AGO3: variants seen among roughly 807,000 people sequenced by gnomAD.
AGO3 encodes argonaute RISC catalytic component 3.
A neutral mutation model predicts 105.5 loss-of-function variants in AGO3; 16 were observed. That is an observed-to-expected ratio of 0.15 (90% confidence interval 0.10 to 0.23). The LOEUF (loss-of-function observed/expected upper bound fraction) is 0.23, where lower values mean the gene tolerates loss of function less well. Ranked by LOEUF, AGO3 falls within the 10% of genes least tolerant of loss-of-function variation. AGO3 has a pLI of 1.00. For synonymous variants in AGO3, 340 were observed against 367.3 expected, an observed-to-expected ratio of 0.93 and a Z score of 0.85; for missense variants, 534 against 1,088.0, an observed-to-expected ratio of 0.49 and a Z score of 7.16.
At chr1:36,050,491 ATAAAT>A (rs755653474) in intron 17 of AGO3, among the ~76,000 whole-genome samples, 90 of 151,744 alleles carry the variant, frequency 5.9e-4, no homozygotes, top group Non-Finnish European at 5.4e-4. Context: ...CTCAAAATAA[ATAAAT>A]TAAATTAAAT....
intron 2 of AGO3, among the ~76,000 whole-genome samples, chr1:35,947,456 T>G (rs1018279428): frequency 2.6e-5 from 4 of 152,140 alleles, no homozygotes; most frequent in African/African-American, 7.2e-5. Flanking sequence ...TTGTGGTGTT[T>G]TTAGTGCATT....
chr1:35,977,469 T>A (rs1049862828), intron 5 of AGO3, among the ~76,000 whole-genome samples: 1 of 150,566 alleles, frequency 6.6e-6, no homozygotes, highest in African/African-American at 2.5e-5. Context: ...CTTGGCTCAC[T>A]GCAACCTCCA....
chr1:35,996,317 G>A (rs1639807651), intron 5 of AGO3, among the ~76,000 whole-genome samples: 1 of 148,036 alleles, frequency 6.8e-6, no homozygotes, highest in South Asian at 2.1e-4. Context: ...GCAAGACTCT[G>A]ACTCTTAAAA....
chr1:35,935,484 A>G (rs904227934), intron 1 of AGO3, among the ~76,000 whole-genome samples: 9 of 152,218 alleles, frequency 5.9e-5, no homozygotes, highest in African/African-American at 1.9e-4. Flanking sequence ...ATGCTACTTC[A>G]TTTTGCTTTT....
At chr1:35,931,790 C>T (rs766583635) in intron 1 of AGO3, among the ~76,000 whole-genome samples, 2 of 152,206 alleles carry the variant, frequency 1.3e-5, no homozygotes, top group Non-Finnish European at 2.9e-5. Flanking sequence ...TTGTGTGTTC[C>T]GTAGAGGCTG....
chr1:36,005,593 TG>T (rs1268165602), intron 6 of AGO3: 7 of 359,880 alleles, frequency 1.9e-5, no homozygotes, highest in African/African-American at 1.5e-4. Context: ...ACCATTAATA[TG>T]TGATCATCTA....
chr1:36,038,706 T>C (rs1642122209), intron 14 of AGO3, among the ~76,000 whole-genome samples: 1 of 152,116 alleles, frequency 6.6e-6, no homozygotes, highest in African/African-American at 2.4e-5. Context: ...TGTTATAAGT[T>C]CATGCTTTGA....
chr1:35,955,585 GTTAACTT>G (rs1245886157), intron 2 of AGO3, among the ~76,000 whole-genome samples: 1 of 150,468 alleles, frequency 6.6e-6, no homozygotes, highest in Non-Finnish European at 1.5e-5. Flanking sequence ...GAGGTACACT[GTTAACTT>G]TTTTTTTTTT....
intron 2 of AGO3, among the ~76,000 whole-genome samples, chr1:35,947,656 T>G (rs1210491969): frequency 1.3e-5 from 2 of 152,154 alleles, no homozygotes; most frequent in African/African-American, 4.8e-5. Context: ...AGAGGGCTGT[T>G]TTCCTGAACA....
intron 2 of AGO3, among the ~76,000 whole-genome samples, chr1:35,956,859 G>T (rs779512996): frequency 4.0e-5 from 6 of 151,302 alleles, no homozygotes; most frequent in Non-Finnish European, 5.9e-5. Flanking sequence ...TGATGCCCAC[G>T]CTGGTCTCAA....
rs1386790466 is a variant in AGO3, at chr1:36,065,973, G to A, written c.*10228G>A. Reference sequence around the variant, plus strand: ...CAAAAATTAGCCGGGTGTGGTGGCGGAGGATGCAGTGAGCCAAGATCGTGC... The same window carrying A: ...CAAAAATTAGCCGGGTGTGGTGGCGAAGGATGCAGTGAGCCAAGATCGTGC... On this transcript the variant is annotated 3_prime_UTR_variant, in exon 19 of 19. Transcript: ENST00000373191. The A allele has an allele frequency of 1.3e-5, 2 of 151,766 alleles. No homozygotes were observed. Among genetic ancestry groups the A allele is most frequent in the African/African-American group, 4.8e-5 (2 of 41,240 alleles). 9.4% of individuals were successfully genotyped at this position (151,766 alleles called of 1,614,324 possible).
At chr1:35,950,469 G>T (rs1274839900) in intron 2 of AGO3, among the ~76,000 whole-genome samples, 1 of 152,026 alleles carries the variant, frequency 6.6e-6, no homozygotes, top group Non-Finnish European at 1.5e-5. Context: ...TCATTTTGTG[G>T]GTCAACCTTT....
chr1:35,952,273 G>C (rs1646488861), intron 2 of AGO3, among the ~76,000 whole-genome samples: 1 of 150,320 alleles, frequency 6.7e-6, no homozygotes, highest in African/African-American at 2.5e-5. Context: ...CTCCCAAGTA[G>C]CTGGGACTAC....
In AGO3 at chr1:35,931,252, A is replaced by G. The variant is rs1195625851; in HGVS notation, c.-175A>G. 2 of 470,370 alleles carry G rather than the reference A, an allele frequency of 4.3e-6. No homozygotes were observed. Among genetic ancestry groups the G allele is most frequent in the East Asian group, 7.1e-5 (2 of 28,104 alleles). The allele number at this position is 470,370 out of a possible 1,614,324, so 29.1% of individuals were successfully genotyped here. On this transcript the variant is annotated 5_prime_UTR_variant, in exon 1 of 19. Transcript: ENST00000373191. ...AGTCCTGTGCCGTTTTCCGTCCGCG[A>G]CTCTTCCGGCCCAGAGCTTTCGGAG...
chr1:35,979,392 C>A (rs571038192), intron 5 of AGO3, among the ~76,000 whole-genome samples: 41 of 151,716 alleles, frequency 2.7e-4, no homozygotes, highest in Non-Finnish European at 4.9e-4. Context: ...TTGTATTTTT[C>A]CTTTTAGAGT....
intron 2 of AGO3, among the ~76,000 whole-genome samples, chr1:35,956,498 A>G (rs1158925018): frequency 1.3e-5 from 2 of 152,190 alleles, no homozygotes. Context: ...AAAATAAAAG[A>G]ACTGAGACTA....
At chr1:36,011,252 G>A (rs991280888) in intron 9 of AGO3, among the ~76,000 whole-genome samples, 1 of 152,144 alleles carries the variant, frequency 6.6e-6, no homozygotes, top group African/African-American at 2.4e-5. Context: ...ATTGAAAATA[G>A]GGATGCAAAA....
intron 16 of AGO3, among the ~76,000 whole-genome samples, chr1:36,042,625 C>A (rs773697747): frequency 1.3e-4 from 20 of 152,090 alleles, no homozygotes; most frequent in Admixed American, 3.3e-4. Context: ...GCCTTGTAAA[C>A]CTAGACTTAC....
intron 1 of AGO3, among the ~76,000 whole-genome samples, chr1:35,936,265 A>G (rs1646144123): frequency 6.6e-6 from 1 of 152,206 alleles, no homozygotes; most frequent in African/African-American, 2.4e-5. Context: ...TAAAAAAAAA[A>G]AACCAACTAT....
Sources: allele counts gnomAD v4.1 joint callset (sites outside exome capture counted in the v4.1 genomes callset), GRCh38; gene constraint gnomAD v4.1.1; transcripts MANE v1.5; gene names NCBI Gene and HGNC (gene_info 2026-07-23, HGNC 2026-07-21).